EPS15L1: variants seen among roughly 807,000 people sequenced by gnomAD.
The protein encoded by EPS15L1 is epidermal growth factor receptor pathway substrate 15 like 1.
Under a neutral mutation model 117.1 loss-of-function variants are expected in EPS15L1, and 43 were observed. That is an observed-to-expected ratio of 0.37 (90% CI 0.29 to 0.47). The LOEUF is 0.47. Among genes scored for constraint, EPS15L1 ranks in the 20% least tolerant of loss-of-function variants. EPS15L1 has a pLI of 0.99. For synonymous variants in EPS15L1, 459 were observed against 470.5 expected (o/e 0.98, Z 0.32); for missense variants, 981 against 1,164.0 (o/e 0.84, Z 2.29).
At chr19:16,395,544 C>T in intron 16 of EPS15L1, 77 bp from the exon 17 acceptor site, 16 of 1,432,146 alleles carry the variant, frequency 1.1e-5, no homozygotes, top group Non-Finnish European at 1.6e-5. Flanking sequence ...CCATACTTAA[C>T]TCACATTTCC....
Position 16,372,000 on chromosome 19 carries a change from C to T in EPS15L1, c.2380+5122G>A, listed in dbSNP as rs1414765035. ...ACCAGTTTCTTCTGCCCAAAACAGA[C>T]ACCTGCTGGTTATTTAATACCTTGA... is the stretch of plus-strand genomic sequence containing the variant. On this transcript the variant is annotated intron_variant, in intron 22 of 23. Coordinates refer to ENST00000455140, the MANE Select transcript of EPS15L1 (RefSeq NM_001258374.3). This position sits in a 1 kb window ranked among gnomAD's most constrained non-coding sequence, Gnocchi z 4.7. 2.0e-5 allele frequency among the ~76,000 whole-genome samples: 3 copies of T among 152,354 alleles called. No individual in the cohort carries two copies. Among genetic ancestry groups the T allele is most frequent in the Admixed American group, 1.3e-4 (2 of 15,298 alleles).
At chr19:16,434,993 G>C (rs1356569326) in intron 6 of EPS15L1, 3 of 151,916 alleles carry the variant, frequency 2.0e-5, no homozygotes, top group East Asian at 1.9e-4. Flanking sequence ...GCCCAGGCTG[G>C]AGTGTAGTGG....
At chr19:16,385,805 C>T (rs909776590) in intron 20 of EPS15L1, among the ~76,000 whole-genome samples, 1 of 152,224 alleles carries the variant, frequency 6.6e-6, no homozygotes, top group Non-Finnish European at 1.5e-5. Context: ...CCTTCAAACA[C>T]AGAACCCACA....
rs1185459578 is a variant in EPS15L1, at chr19:16,412,689, G to A, written c.1266+1084C>T. 4 of 148,432 alleles carry A rather than the reference G, an allele frequency of 2.7e-5. 1 individual carries two copies. The highest frequency in any genetic ancestry group is 9.0e-5 in the African/African-American group (3 of 33,506). The allele number at this position is 148,432 out of a possible 1,614,324, so 9.2% of individuals were successfully genotyped here. ...CTTCTCCGAGAAAACACCGAATGGC[G>A]GATGACACCGGTGCAGCGGGGGGTG... On this transcript the variant is annotated intron_variant, in intron 13 of 23. Coordinates refer to ENST00000455140, the MANE Select transcript of EPS15L1 (RefSeq NM_001258374.3).
intron 4 of EPS15L1, among the ~76,000 whole-genome samples, chr19:16,438,956 C>G (rs867159293): frequency 1.3e-5 from 2 of 152,134 alleles, no homozygotes; most frequent in Non-Finnish European, 2.9e-5. Context: ...GACGTGGACC[C>G]CACCTAGACA....
chr19:16,381,991 C>A lies in EPS15L1; in HGVS notation c.2247+3138G>T, dbSNP rs2092367966. 6.6e-6 allele frequency among the ~76,000 whole-genome samples: 1 copy of A among 152,186 alleles called. No homozygotes were observed. Among genetic ancestry groups the A allele is most frequent in the East Asian group, 1.9e-4 (1 of 5,184 alleles). On this transcript the variant is annotated intron_variant, in intron 21 of 23. Transcript: ENST00000455140. The surrounding 1 kb of genome is among the most constrained non-coding windows in gnomAD (Gnocchi z 4.2). The stretch of plus-strand genomic sequence containing the variant: ...CAGTGGCTGCAGTGAGCCTTTCTAC[C>A]CTCTGTGTCGCGCAATAGGACCCGG...
chr19:16,439,609 T>C (rs2093009979), intron 4 of EPS15L1, among the ~76,000 whole-genome samples: 1 of 152,110 alleles, frequency 6.6e-6, no homozygotes, highest in Non-Finnish European at 1.5e-5. Context: ...GAAGATCACT[T>C]GAACCCAGAA....
chr19:16,376,828 C>G (rs371061868), intron 22 of EPS15L1, among the ~76,000 whole-genome samples: 1 of 152,226 alleles, frequency 6.6e-6, no homozygotes, highest in Non-Finnish European at 1.5e-5. Flanking sequence ...GGAGGCCGCA[C>G]GAAGCGCCCC....
At chr19:16,386,668 A>C (rs553315389) in intron 19 of EPS15L1, among the ~76,000 whole-genome samples, 1 of 152,314 alleles carries the variant, frequency 6.6e-6, no homozygotes, top group Non-Finnish European at 1.5e-5. Context: ...AAGGAAGGGG[A>C]ATCGGGATGG....
At chr19:16,368,056 G>C (rs1225040442) in intron 22 of EPS15L1, among the ~76,000 whole-genome samples, 1 of 151,974 alleles carries the variant, frequency 6.6e-6, no homozygotes, top group Non-Finnish European at 1.5e-5. Context: ...TGCTGTACTT[G>C]GAAAATGCAG....
intron 1 of EPS15L1, among the ~76,000 whole-genome samples, chr19:16,466,918 A>C (rs1468426452): frequency 1.3e-5 from 2 of 151,760 alleles, no homozygotes; most frequent in Non-Finnish European, 2.9e-5. Flanking sequence ...AAAAAAAAAA[A>C]AGGAAAGCAC....
intron 1 of EPS15L1, among the ~76,000 whole-genome samples, chr19:16,459,046 A>G (rs1333643263): frequency 6.6e-6 from 1 of 152,226 alleles, no homozygotes; most frequent in Non-Finnish European, 1.5e-5. Context: ...CCCGGTACAG[A>G]AAACTGCAGG....
In EPS15L1 at chr19:16,378,131, G is replaced by A. The variant is rs540914283; in HGVS notation, c.2248-877C>T. Among the ~76,000 whole-genome samples the A allele has an allele frequency of 2.9e-4, 44 of 152,112 alleles. 1 individual carries two copies. The highest frequency in any genetic ancestry group is 6.3e-4 in the Non-Finnish European group (43 of 68,000). On this transcript the variant is annotated intron_variant, in intron 21 of 23. Transcript: ENST00000455140. Reference sequence around the variant, plus strand: ...TGGCGGGTGGGTGGATGGATGGATGGATGGGCAGGTAGAGACAGGGAGGCG... The same window carrying A: ...TGGCGGGTGGGTGGATGGATGGATGAATGGGCAGGTAGAGACAGGGAGGCG...
chr19:16,371,337 C>T lies in EPS15L1; in HGVS notation c.2380+5785G>A, dbSNP rs1313284069. 6.6e-6 allele frequency among the ~76,000 whole-genome samples: 1 copy of T among 152,110 alleles called. No homozygotes were observed. The highest frequency in any genetic ancestry group is 2.4e-5 in the African/African-American group (1 of 41,420). On this transcript the variant is annotated intron_variant, in intron 22 of 23. Coordinates refer to ENST00000455140, the MANE Select transcript of EPS15L1 (RefSeq NM_001258374.3). The surrounding 1 kb of genome is among the most constrained non-coding windows in gnomAD (Gnocchi z 4.7). ...ACGGCCACCCTGGGTGGATGCCACACACAGGTACGGGAGGGGCTTGTTTGC... is the reference window on the plus strand; with the variant it reads ...ACGGCCACCCTGGGTGGATGCCACATACAGGTACGGGAGGGGCTTGTTTGC...
At chr19:16,452,849 C>T (rs4808512) in intron 1 of EPS15L1, among the ~76,000 whole-genome samples, 4 of 151,620 alleles carry the variant, frequency 2.6e-5, no homozygotes, top group African/African-American at 9.7e-5. Flanking sequence ...CAAGCTGGAG[C>T]GCAGTGGCAC....
chr19:16,395,936 C>A (rs58992224), intron 16 of EPS15L1, among the ~76,000 whole-genome samples: 66,969 of 140,834 alleles, frequency 0.48, 18,920 homozygotes, highest in African/African-American at 0.82. Flanking sequence ...TAGAGTGAGT[C>A]TATCTCAAAA....
At chr19:16,429,456 A>G (rs1951658583) in intron 7 of EPS15L1, among the ~76,000 whole-genome samples, 1 of 152,152 alleles carries the variant, frequency 6.6e-6, no homozygotes, top group African/African-American at 2.4e-5. Flanking sequence ...ATGATGCTTC[A>G]TGTGTCAGCA....
At chr19:16,449,247 A>AAAAC (rs140126191) in intron 1 of EPS15L1, among the ~76,000 whole-genome samples, 2,297 of 151,798 alleles carry the variant, frequency 0.015, 43 homozygotes, top group African/African-American at 0.047. Flanking sequence ...GATTTCTTAA[A>AAAAC]AAACAAACAA....
At chr19:16,398,889 C>T (rs149627105) in intron 16 of EPS15L1, among the ~76,000 whole-genome samples, 72 of 152,292 alleles carry the variant, frequency 4.7e-4, no homozygotes, top group East Asian at 3.5e-3. Flanking sequence ...CCAGAACTCC[C>T]GGGCTCAAGG....
Sources: gnomAD v4.1 joint callset for allele counts (sites outside exome capture counted in the v4.1 genomes callset) on GRCh38, gnomAD v4.1.1 for gene constraint, Gnocchi (gnomAD v3.1) non-coding constraint, MANE v1.5 for transcripts, NCBI Gene and HGNC (gene_info 2026-07-23, HGNC 2026-07-21) for gene names.